Variants in PSMC1 observed in about 807,000 individuals in gnomAD.
PSMC1 encodes 26S proteasome regulatory subunit 4.
PSMC1 carries 5 observed loss-of-function variants against 49.8 expected under a neutral mutation model. That is an observed-to-expected ratio of 0.10 (90% CI 0.05 to 0.21). The LOEUF (loss-of-function observed/expected upper bound fraction) is 0.21, where lower values mean the gene tolerates loss of function less well. Ranked by LOEUF, PSMC1 falls within the 10% of genes least tolerant of loss-of-function variation. The pLI is 1.00. For missense variants in PSMC1, 181 were observed against 535.7 expected, an observed-to-expected ratio of 0.34 and a Z score of 6.54; for synonymous variants, 155 against 192.1, an observed-to-expected ratio of 0.81 and a Z score of 1.60.
At chr14:90,269,086 C>T (rs1891593872) in intron 8 of PSMC1, 1 of 241,326 alleles carries the variant, frequency 4.1e-6, no homozygotes, top group Non-Finnish European at 8.0e-6. Flanking sequence ...CTGTATAAGG[C>T]CTTTTTCTCT....
chr14:90,259,758 A>T (rs1456843774), intron 2 of PSMC1, among the ~76,000 whole-genome samples: 1 of 152,054 alleles, frequency 6.6e-6, no homozygotes, highest in Non-Finnish European at 1.5e-5. Context: ...AGTAGCTGGG[A>T]TTACAGGTGC....
At chr14:90,267,719 A>C (rs1891554242) in intron 7 of PSMC1, 1 of 153,358 alleles carries the variant, frequency 6.5e-6, no homozygotes, top group Non-Finnish European at 1.4e-5. Flanking sequence ...GTATCTCCTT[A>C]GGGCCAAAGC....
chr14:90,269,469 A>G lies in PSMC1; in HGVS notation c.954A>G (p.Gly318=). Reference sequence around the variant, plus strand: ...TGGAACTGCTGAACCAGTTGGATGGATTTGATTCTAGGGGAGATGTGAAAG... The same window carrying G: ...TGGAACTGCTGAACCAGTTGGATGGGTTTGATTCTAGGGGAGATGTGAAAG... ...TMLELLNQLD[G]FDSRGDVKVI... is the part of the protein sequence containing the mutation. The change falls in exon 9 of 11, where the codon GGA becomes GGG. Residue 318 remains glycine, a synonymous_variant. Transcript: ENST00000261303. 1 of 1,613,164 alleles carries G rather than the reference A, an allele frequency of 6.2e-7. No individual in the cohort carries two copies. The highest frequency in any genetic ancestry group is 8.5e-7 in the Non-Finnish European group (1 of 1,179,766).
chr14:90,261,160 T>C (rs1402887796), intron 3 of PSMC1, among the ~76,000 whole-genome samples: 1 of 152,204 alleles, frequency 6.6e-6, no homozygotes. Context: ...CTTATGTTTT[T>C]TTGACTTTTG....
rs1016374249 is a variant in PSMC1, at chr14:90,275,418, CAAAA to C, written c.*3014_*3017del. On this transcript the variant is annotated 3_prime_UTR_variant, in exon 11 of 11. Transcript: ENST00000261303. ...TTCCTAAGTTTGAGATTAAAAAAAA[CAAAA>C]AACCCCAGCACATCAGTATTGCCTT... The C allele has an allele frequency of 7.2e-5, 11 of 152,056 alleles. No homozygotes were observed. The highest frequency in any genetic ancestry group is 5.9e-5 in the Non-Finnish European group (4 of 67,994). 9.4% of individuals were successfully genotyped at this position (152,056 alleles called of 1,614,324 possible). A position where few individuals can be genotyped will look rare whatever the true frequency, so the allele number is the denominator to read the frequency against.
In PSMC1 at chr14:90,270,179, A is replaced by G. The variant is rs940364305; in HGVS notation, c.1034-19A>G. The stretch of plus-strand genomic sequence containing the variant: ...GGGTTTGGATGTTGGTGTGACTTCA[A>G]ATCTCTTTGTACCTGCAGGCCGCAT... On this transcript the variant is annotated intron_variant, in intron 9 of 10. Coordinates refer to ENST00000261303, the MANE Select transcript of PSMC1 (RefSeq NM_002802.3). 1.9e-6 allele frequency: 3 copies of G among 1,611,974 alleles called. No homozygotes were observed. Among genetic ancestry groups the G allele is most frequent in the African/African-American group, 1.3e-5 (1 of 74,870 alleles).
chr14:90,270,484 C>T (rs1455856098), intron 10 of PSMC1, 132 bp downstream of exon 10: 8 of 992,134 alleles, frequency 8.1e-6, no homozygotes, highest in African/African-American at 6.5e-5. Context: ...TATTGGTTTA[C>T]GATTACATCC....
chr14:90,257,300 G>A (rs949133802), intron 1 of PSMC1, among the ~76,000 whole-genome samples: 1 of 152,176 alleles, frequency 6.6e-6, no homozygotes, highest in African/African-American at 2.4e-5. Flanking sequence ...ACATTCTAGA[G>A]CAGAAGGCAG....
chr14:90,260,565 C>T (rs961175887), intron 3 of PSMC1, among the ~76,000 whole-genome samples: 17 of 152,080 alleles, frequency 1.1e-4, no homozygotes, highest in African/African-American at 4.1e-4. Flanking sequence ...ACCCTGTCTC[C>T]ACTAAAAATA....
Position 90,273,215 on chromosome 14 carries a change from T to C in PSMC1, c.*808T>C, listed in dbSNP as rs10143776. On this transcript the variant is annotated 3_prime_UTR_variant, in exon 11 of 11. Coordinates refer to ENST00000261303, the MANE Select transcript of PSMC1 (RefSeq NM_002802.3). ...GGGCCCACACTGAATGAGGAGTGTG[T>C]ATTAGTTTTCTGTTAATACTATAAC... 143,298 of 152,228 alleles carry C rather than the reference T, an allele frequency of 0.94. 67,992 individuals are homozygous for C. Among genetic ancestry groups the C allele is most frequent in the East Asian group, 1 (5,168 of 5,170 alleles). The allele number at this position is 152,228 out of a possible 1,614,324, so 9.4% of individuals were successfully genotyped here.
At chr14:90,263,188 A>T in intron 3 of PSMC1, 130 bp from the exon 4 acceptor site, 2 of 924,970 alleles carry the variant, frequency 2.2e-6, no homozygotes, top group Non-Finnish European at 3.2e-6. Flanking sequence ...CGGTTTACTT[A>T]GAGTTACCAA....
rs144111170 is a variant in PSMC1, at chr14:90,274,787, TACACACACACACACAC to T, written c.*2417_*2432del. The T allele has an allele frequency of 5.0e-4, 56 of 110,992 alleles. No homozygotes were observed. Among genetic ancestry groups the T allele is most frequent in the African/African-American group, 8.5e-4 (27 of 31,820 alleles). The allele number at this position is 110,992 out of a possible 1,614,324, so 6.9% of individuals were successfully genotyped here. A position where few individuals can be genotyped will look rare whatever the true frequency, so the allele number is the denominator to read the frequency against. On this transcript the variant is annotated 3_prime_UTR_variant, in exon 11 of 11. Coordinates refer to ENST00000261303, the MANE Select transcript of PSMC1 (RefSeq NM_002802.3). ...CAGTATAGCCCTTTAAATAGGGAAC[TACACACACACACACAC>T]ACACACACACACACACACACACACA... is the stretch of plus-strand genomic sequence containing the variant.
At chr14:90,262,287 T>G (rs1891415589) in intron 3 of PSMC1, among the ~76,000 whole-genome samples, 1 of 151,726 alleles carries the variant, frequency 6.6e-6, no homozygotes, top group African/African-American at 2.4e-5. Flanking sequence ...CCCTAAAACT[T>G]AAAGTATAAT....
chr14:90,265,275 T>C (rs1891482483), intron 7 of PSMC1, 109 bp downstream of exon 7: 1 of 738,748 alleles, frequency 1.4e-6, no homozygotes. Flanking sequence ...AATTCCTTAG[T>C]TTAAAACAGG....
intron 7 of PSMC1, among the ~76,000 whole-genome samples, chr14:90,266,396 C>A (rs550066548): frequency 6.6e-6 from 1 of 152,298 alleles, no homozygotes; most frequent in Admixed American, 6.5e-5. Context: ...TAAGAAGATC[C>A]GTGCTGAGGG....
intron 7 of PSMC1, among the ~76,000 whole-genome samples, chr14:90,266,988 G>A (rs188976012): frequency 6.6e-6 from 1 of 152,032 alleles, no homozygotes; most frequent in African/African-American, 2.4e-5. Context: ...GCCCGAGGCT[G>A]CCAGCTCTGC....
intron 9 of PSMC1, chr14:90,269,768 CTT>C: frequency 2.2e-6 from 1 of 450,608 alleles, no homozygotes; most frequent in Non-Finnish European, 3.8e-6. Flanking sequence ...TATGTCTTGT[CTT>C]TTCTTTTCCA....
intron 6 of PSMC1, 85 bp from the exon 7 acceptor site, chr14:90,264,985 T>C: frequency 2.0e-6 from 2 of 1,015,012 alleles, no homozygotes; most frequent in South Asian, 2.7e-5. Flanking sequence ...CTTATTTTTG[T>C]TGAAAGCAAG....
chr14:90,263,485 A>G, intron 4 of PSMC1, 43 bp downstream of exon 4: 1 of 1,520,104 alleles, frequency 6.6e-7, no homozygotes, highest in Non-Finnish European at 8.9e-7. Flanking sequence ...TACAAATTGA[A>G]TTCTATAAAA....
Sources: allele counts gnomAD v4.1 joint callset (sites outside exome capture counted in the v4.1 genomes callset), GRCh38; gene constraint gnomAD v4.1.1; transcripts MANE v1.5; gene names NCBI Gene and HGNC (gene_info 2026-07-23, HGNC 2026-07-21).